Variants in SETX observed in about 807,000 individuals in gnomAD.
SETX encodes helicase senataxin.
A neutral mutation model predicts 227.2 loss-of-function variants in SETX; 90 were observed. The observed-to-expected ratio is 0.40, with a 90% CI of 0.33 to 0.47. The LOEUF is 0.47. SETX is among the 20% of genes least tolerant of loss of function. SETX has a pLI of 0.91. For synonymous variants in SETX, 1,210 were observed against 1,113.2 expected (o/e 1.09, Z -1.73); for missense variants, 3,052 against 3,181.5 (o/e 0.96, Z 0.98).
intron 2 of SETX, 136 bp from the exon 3 acceptor site, chr9:132,349,571 G>A: frequency 1.2e-6 from 1 of 835,930 alleles, no homozygotes; most frequent in South Asian, 1.5e-5. Context: ...TCTGCTGGCT[G>A]GCTTATCAAT....
Position 132,342,759 on chromosome 9 carries a change from G to T in SETX, c.429C>A (p.Ala143=). The T allele has an allele frequency of 2.5e-6, 4 of 1,613,940 alleles. No individual in the cohort carries two copies. The highest frequency in any genetic ancestry group is 3.4e-6 in the Non-Finnish European group (4 of 1,179,968). The change falls in exon 5 of 26, where the codon GCC becomes GCA. Residue 143 remains alanine, a synonymous_variant. Transcript: ENST00000224140. ...TATCAAACACCTGAAAGGAGCAATT[G>T]GCTTGTTCCATCCGACAAAGTGCTT... The part of the protein sequence containing the change: ...CVEALCRMEQ[A]NCSFQVFDKH...
chr9:132,264,389 C>T lies in SETX; in HGVS notation c.7884G>A (p.Glu2628=). ...CCCTGGCCTCTCTCCTGTGACAGAGCTCCTCTTCCGGGTCATCACATTTGC... is the reference window on the plus strand; with the variant it reads ...CCCTGGCCTCTCTCCTGTGACAGAGTTCCTCTTCCGGGTCATCACATTTGC... ...CQSKCDDPEE[E]LCHRREARAF... The change falls in exon 26 of 26, where the codon GAG becomes GAA. Residue 2628 remains glutamate (E), a synonymous_variant. Transcript: ENST00000224140. 1 of 1,614,220 alleles carries T rather than the reference C, an allele frequency of 6.2e-7. No homozygotes were observed. The highest frequency in any genetic ancestry group is 8.5e-7 in the Non-Finnish European group (1 of 1,180,050).
intron 8 of SETX, 47 bp from the exon 9 acceptor site, chr9:132,331,186 A>C: frequency 1.2e-6 from 2 of 1,607,998 alleles, no homozygotes; most frequent in South Asian, 2.2e-5. Context: ...AAGGGGGAAA[A>C]AAAGGAAGAA....
intron 11 of SETX, among the ~76,000 whole-genome samples, chr9:132,304,323 T>C (rs958048349): frequency 5.9e-5 from 9 of 152,120 alleles, no homozygotes; most frequent in African/African-American, 1.9e-4. Flanking sequence ...CTTTTATAAC[T>C]GCATACTGTA....
chr9:132,314,876 A>T (rs1401976967), intron 10 of SETX, among the ~76,000 whole-genome samples: 3 of 148,866 alleles, frequency 2.0e-5, no homozygotes, highest in Non-Finnish European at 4.5e-5. Flanking sequence ...TCTTTAAAAA[A>T]AATTATTATT....
rs774436530 is a variant in SETX at position 132,288,622 on chromosome 9, G to A, written c.6136C>T (p.Leu2046=). Residue 2046 remains leucine (L), a synonymous_variant, in exon 16 of 26, where the codon CTG becomes TTG. Transcript: ENST00000224140. ...GNCGDINLVR[L]GPEKSINSEV... is the part of the protein sequence containing the mutation. ...CTATTAATAGACTTTTCTGGACCCAGTCGTACTAAATTTATATCTCCACAG... is the reference window on the plus strand; with the variant it reads ...CTATTAATAGACTTTTCTGGACCCAATCGTACTAAATTTATATCTCCACAG... The A allele has an allele frequency of 4.3e-6, 7 of 1,613,504 alleles. No homozygotes were observed. In the East Asian group the frequency reaches 1.1e-4, roughly 26 times the overall value.
intron 25 of SETX, among the ~76,000 whole-genome samples, chr9:132,266,976 AC>A (rs1215789746): frequency 2.0e-5 from 3 of 152,220 alleles, no homozygotes; most frequent in Non-Finnish European, 4.4e-5. Context: ...GAATATCTTA[AC>A]CTATTATTTT....
chr9:132,352,628 G>A (rs1028545526), intron 2 of SETX, among the ~76,000 whole-genome samples: 33 of 152,184 alleles, frequency 2.2e-4, no homozygotes, highest in African/African-American at 7.2e-4. Flanking sequence ...GTATGCACCT[G>A]TAGTCGCAGC....
At chr9:132,292,180 T>C (rs1451697543) in intron 15 of SETX, among the ~76,000 whole-genome samples, 13 of 152,138 alleles carry the variant, frequency 8.5e-5, no homozygotes, top group Admixed American at 7.9e-4. Flanking sequence ...CAGTGTCTCA[T>C]GCCTGTAATC....
intron 11 of SETX, among the ~76,000 whole-genome samples, chr9:132,303,347 A>G (rs1442368254): frequency 6.6e-6 from 1 of 151,782 alleles, no homozygotes; most frequent in Non-Finnish European, 1.5e-5. Context: ...AGCAAAAAAA[A>G]AAAAAAAAAC....
chr9:132,269,459 C>A, intron 25 of SETX, 156 bp downstream of exon 25: 1 of 1,587,856 alleles, frequency 6.3e-7, no homozygotes, highest in East Asian at 2.3e-5. Context: ...GAATGGTTCA[C>A]GTGTACACAA....
Position 132,298,194 on chromosome 9 carries a change from C to G in SETX, c.5667G>C (p.Lys1889Asn). ...TACCCAACAGAGACATGGCTTTCAA[C>G]TTCCTTTGTGTAGTTACCAGAGAAC... ...VISSLVTTQR[K>N]LKAMSLLGSR... Residue 1889 changes from lysine (K) to asparagine (N), a missense_variant, in exon 13 of 26, where the codon AAG becomes AAC. Lys to Asn is a moderately conservative substitution (Grantham distance 94). Transcript: ENST00000224140. 2 of 1,614,126 alleles carry G rather than the reference C, an allele frequency of 1.2e-6. No homozygotes were observed. Among genetic ancestry groups the G allele is most frequent in the Non-Finnish European group, 1.7e-6 (2 of 1,179,996 alleles).
intron 5 of SETX, 113 bp from the exon 6 acceptor site, chr9:132,336,628 T>C (rs1847640087): frequency 1.2e-6 from 1 of 808,560 alleles, no homozygotes; most frequent in Non-Finnish European, 2.1e-6. Context: ...TGTGACATAT[T>C]AATTAATGCA....
chr9:132,324,303 G>A (rs1351383728), intron 10 of SETX, among the ~76,000 whole-genome samples: 3 of 152,110 alleles, frequency 2.0e-5, no homozygotes, highest in African/African-American at 7.2e-5. Flanking sequence ...AAAATTTGAG[G>A]TACGAATTGA....
chr9:132,336,480 C>T lies in SETX; in HGVS notation c.534G>A (p.Leu178=). The change falls in exon 6 of 26, where the codon TTG becomes TTA. Residue 178 remains leucine (L), a synonymous_variant. Transcript: ENST00000224140. Reference sequence around the variant, plus strand: ...AATAATCATCTCTGTCCACTTTCCCCAAGTTTCTTGCAGTCAAGATAGCCC... The same window carrying T: ...AATAATCATCTCTGTCCACTTTCCCTAAGTTTCTTGCAGTCAAGATAGCCC... ...RRWAILTARN[L]GKVDRDDYYD... is the part of the protein sequence containing the mutation. 1 of 1,614,138 alleles carries T rather than the reference C, an allele frequency of 6.2e-7. No individual in the cohort carries two copies. The highest frequency in any genetic ancestry group is 8.5e-7 in the Non-Finnish European group (1 of 1,180,020).
In SETX at chr9:132,264,682, G is replaced by A; in HGVS notation, c.7591C>T (p.Pro2531Ser). Residue 2531 changes from proline (P) to serine (S), a missense_variant, in exon 26 of 26, where the codon CCT becomes TCT. By Grantham distance (74) the Pro-to-Ser change is moderately conservative. Around this residue, in one of 10 missense-constraint regions of SETX, gnomAD observed 294 missense variants for 278.8 expected, o/e 1.05. Coordinates refer to ENST00000224140, the MANE Select transcript of SETX (RefSeq NM_015046.7). ...GGGTCCTGAAGTTGGTCATGAACAGGAGGTCTTTCAGGGTCCTTTGAAGTA... is the reference window on the plus strand; with the variant it reads ...GGGTCCTGAAGTTGGTCATGAACAGAAGGTCTTTCAGGGTCCTTTGAAGTA... ...TVTSKDPERP[P>S]VHDQLQDPRL... 6.2e-7 allele frequency: 1 copy of A among 1,614,220 alleles called. No individual in the cohort carries two copies. Among genetic ancestry groups the A allele is most frequent in the Non-Finnish European group, 8.5e-7 (1 of 1,180,030 alleles).
chr9:132,301,088 C>CTTTTTTTTTTTTT (rs200657740), intron 11 of SETX, among the ~76,000 whole-genome samples: 1 of 123,922 alleles, frequency 8.1e-6, no homozygotes. Flanking sequence ...GTTTATTCTG[C>CTTTTTTTTTTTTT]TTTTTTTTTT....
intron 15 of SETX, among the ~76,000 whole-genome samples, chr9:132,292,017 A>G (rs1162564858): frequency 6.6e-6 from 1 of 152,208 alleles, no homozygotes; most frequent in African/African-American, 2.4e-5. Context: ...AATTCCATCT[A>G]TTAATTACTG....
At chr9:132,354,553 G>C (rs1466343427) in intron 1 of SETX, among the ~76,000 whole-genome samples, 2 of 151,588 alleles carry the variant, frequency 1.3e-5, no homozygotes, top group African/African-American at 4.8e-5. Flanking sequence ...CCAGGCGAGA[G>C]GCAGACGAGC....
Sources: gnomAD v4.1 joint callset for allele counts (sites outside exome capture counted in the v4.1 genomes callset) on GRCh38, gnomAD v4.1.1 for gene constraint, gnomAD v4.1.1 regional missense constraint, MANE v1.5 for transcripts, NCBI Gene and HGNC (gene_info 2026-07-23, HGNC 2026-07-21) for gene names.